Variants in MEIS1 observed in about 807,000 individuals in gnomAD.
MEIS1 encodes homeobox protein Meis1.
Under a neutral mutation model 50.8 loss-of-function variants are expected in MEIS1, and 5 were observed. The observed-to-expected ratio is 0.10, with a 90% CI of 0.05 to 0.21. The LOEUF is 0.21. Ranked by LOEUF, MEIS1 falls within the 10% of genes least tolerant of loss-of-function variation. The pLI, the probability that MEIS1 is intolerant of heterozygous loss-of-function variation, is 1.00. For missense variants in MEIS1, 318 were observed against 517.3 expected, an observed-to-expected ratio of 0.61 and a Z score of 3.74; for synonymous variants, 176 against 179.3, an observed-to-expected ratio of 0.98 and a Z score of 0.15.
chr2:66,476,789 G>A (rs927779095), intron 7 of MEIS1, among the ~76,000 whole-genome samples: 12 of 152,240 alleles, frequency 7.9e-5, no homozygotes, highest in East Asian at 5.8e-4. Flanking sequence ...CTCGTCCCCC[G>A]GAGTTAGCCC....
chr2:66,477,560 C>T (rs1672922641), intron 7 of MEIS1, among the ~76,000 whole-genome samples: 1 of 152,198 alleles, frequency 6.6e-6, no homozygotes, highest in South Asian at 2.1e-4. Flanking sequence ...CTCTGCTGCA[C>T]TGCTTTCCCT....
chr2:66,464,117 G>T lies in MEIS1; in HGVS notation c.639G>T (p.Trp213Cys). ...RSANLTDQPS[W>C]NRDHDDTAST... The stretch of plus-strand genomic sequence containing the variant: ...GATTTGTGCCCCCACAGCCCTCTTG[G>T]AACAGAGATCATGATGACACGGCAT... The change falls in exon 7 of 13, where the codon TGG (tryptophan) becomes TGT (cysteine). Residue 213 changes from tryptophan (W) to cysteine (C), a missense_variant. Around this residue, in one of 6 missense-constraint regions of MEIS1, gnomAD observed 48 missense variants for 50.9 expected, o/e 0.94. Coordinates refer to ENST00000272369, the MANE Select transcript of MEIS1 (RefSeq NM_002398.3). The T allele has an allele frequency of 6.3e-7, 1 of 1,597,126 alleles. No homozygotes were observed. Among genetic ancestry groups the T allele is most frequent in the Non-Finnish European group, 8.5e-7 (1 of 1,171,792 alleles).
intron 9 of MEIS1, among the ~76,000 whole-genome samples, chr2:66,552,567 T>C (rs1487037655): frequency 2.0e-5 from 3 of 152,224 alleles, no homozygotes; most frequent in African/African-American, 7.2e-5. Flanking sequence ...ATTTTCCTAG[T>C]TATTTCATTT....
At position 66,511,012 on chromosome 2, in the gene MEIS1, A is replaced by AT. The variant is rs139989148; in HGVS notation, c.743-1127dup. ...ACCCAGTGAATGTGCTCTTGGGTGT[A>AT]TTTTTTTTTTACCTCATTTCTAAGC... On this transcript the variant is annotated intron_variant, in intron 7 of 12. Coordinates refer to ENST00000272369, the MANE Select transcript of MEIS1 (RefSeq NM_002398.3). 4.4e-4 allele frequency among the ~76,000 whole-genome samples: 66 copies of AT among 148,818 alleles called. 1 individual carries two copies. Among genetic ancestry groups the AT allele is most frequent in the East Asian group, 4.4e-3 (22 of 5,050 alleles).
chr2:66,533,704 A>G (rs547628475), intron 8 of MEIS1, among the ~76,000 whole-genome samples: 1 of 152,236 alleles, frequency 6.6e-6, no homozygotes, highest in East Asian at 1.9e-4. Context: ...CTCCTCATAA[A>G]TTGTGCAGGG....
At chr2:66,521,138 G>C (rs533156869) in intron 8 of MEIS1, among the ~76,000 whole-genome samples, 1 of 152,224 alleles carries the variant, frequency 6.6e-6, no homozygotes, top group South Asian at 2.1e-4. Context: ...GGCAAAGAAA[G>C]CTACATCTGT....
chr2:66,466,820 G>A (rs1358386196), intron 7 of MEIS1, among the ~76,000 whole-genome samples: 1 of 152,018 alleles, frequency 6.6e-6, no homozygotes, highest in Non-Finnish European at 1.5e-5. Context: ...CCAAAGAGGT[G>A]TTTCCCCCAC....
At chr2:66,467,368 A>G (rs10165854) in intron 7 of MEIS1, among the ~76,000 whole-genome samples, 14,190 of 105,820 alleles carry the variant, frequency 0.13, 1,331 homozygotes, top group African/African-American at 0.39. Flanking sequence ...AGGCCGAGGT[A>G]GGGGGGGGTC....
intron 6 of MEIS1, among the ~76,000 whole-genome samples, chr2:66,447,377 T>G (rs536919646): frequency 1.3e-5 from 2 of 152,340 alleles, no homozygotes; most frequent in Admixed American, 6.5e-5. Flanking sequence ...TGATAAAGTC[T>G]TAGCATCACC....
At chr2:66,443,814 G>A (rs964616000) in intron 6 of MEIS1, 3 of 152,728 alleles carry the variant, frequency 2.0e-5, no homozygotes, top group African/African-American at 4.8e-5. Flanking sequence ...TGGGTAAGGA[G>A]TGTGGGGGAC....
intron 7 of MEIS1, among the ~76,000 whole-genome samples, chr2:66,501,408 A>G (rs1476942557): frequency 2.6e-5 from 4 of 152,126 alleles, no homozygotes; most frequent in Non-Finnish European, 5.9e-5. Context: ...CTCCATTAAA[A>G]AGTTATGCTG....
chr2:66,548,296 A>ATC (rs147502796), intron 9 of MEIS1, among the ~76,000 whole-genome samples: 1 of 152,198 alleles, frequency 6.6e-6, no homozygotes, highest in Non-Finnish European at 1.5e-5. Flanking sequence ...CTGTCAATGT[A>ATC]TCTCTCTCTA....
At chr2:66,481,623 C>G (rs1673017536) in intron 7 of MEIS1, among the ~76,000 whole-genome samples, 1 of 152,106 alleles carries the variant, frequency 6.6e-6, no homozygotes, top group Admixed American at 6.5e-5. Context: ...CCTTGAGCAT[C>G]TCTTTATTCT....
At position 66,464,155 on chromosome 2, in the gene MEIS1, G is replaced by C. The variant is rs1368786744; in HGVS notation, c.677G>C (p.Gly226Ala). 6.2e-7 allele frequency: 1 copy of C among 1,606,712 alleles called. No homozygotes were observed. Among genetic ancestry groups the C allele is most frequent in the Non-Finnish European group, 8.5e-7 (1 of 1,176,808 alleles). Residue 226 changes from glycine (G) to alanine (A), a missense_variant, in exon 7 of 13, where the codon GGA becomes GCA. By Grantham distance (60) the Gly-to-Ala change is moderately conservative. Coordinates refer to ENST00000272369, the MANE Select transcript of MEIS1 (RefSeq NM_002398.3). ...DHDDTASTRS[G>A]GTPGPSSGGH... ...GATGACACGGCATCTACTCGTTCAG[G>C]AGGAACCCCAGGCCCTTCCAGCGGT... is the stretch of plus-strand genomic sequence containing the variant.
chr2:66,467,005 A>G lies in MEIS1; in HGVS notation c.742+2785A>G, dbSNP rs371245066. On this transcript the variant is annotated intron_variant, in intron 7 of 12. Transcript: ENST00000272369. The stretch of plus-strand genomic sequence containing the variant: ...AAAGAAAACAAAAAAGAAATCCCCT[A>G]GGCTTTAGCCCTCTGTTAAATAACC... Among the ~76,000 whole-genome samples the G allele has an allele frequency of 4.6e-5, 7 of 152,170 alleles. 1 individual carries two copies. Among genetic ancestry groups the G allele is most frequent in the African/African-American group, 1.7e-4 (7 of 41,556 alleles).
chr2:66,477,637 A>T (rs530545694), intron 7 of MEIS1, among the ~76,000 whole-genome samples: 1 of 152,346 alleles, frequency 6.6e-6, no homozygotes, highest in East Asian at 1.9e-4. Context: ...CCAAGCTGTC[A>T]TGGGAATTTG....
Position 66,507,292 on chromosome 2 carries a change from G to C in MEIS1, c.743-4857G>C, listed in dbSNP as rs1673706510. On this transcript the variant is annotated intron_variant, in intron 7 of 12. Transcript: ENST00000272369. ...GATTAAACACTGTTCCTAAACACTG[G>C]AAGAGGAGAAAAGTAAAGTTTAAAG... 2.6e-5 allele frequency among the ~76,000 whole-genome samples: 4 copies of C among 152,114 alleles called. No individual in the cohort carries two copies. The South Asian group carries it at 8.3e-4, about 32-fold the overall frequency.
intron 6 of MEIS1, among the ~76,000 whole-genome samples, chr2:66,445,605 T>C (rs77873609): frequency 0.023 from 3,513 of 152,276 alleles, 101 homozygotes; most frequent in African/African-American, 0.069. Context: ...GTGAGAACGC[T>C]GGGCCTTGTT....
At chr2:66,564,857 T>A (rs1200590314) in intron 9 of MEIS1, among the ~76,000 whole-genome samples, 3 of 152,090 alleles carry the variant, frequency 2.0e-5, no homozygotes, top group African/African-American at 7.2e-5. Flanking sequence ...TATCTCCTAA[T>A]GCTATCCCTT....
Sources: gnomAD v4.1 joint callset for allele counts (sites outside exome capture counted in the v4.1 genomes callset) on GRCh38, gnomAD v4.1.1 for gene constraint, gnomAD v4.1.1 regional missense constraint, MANE v1.5 for transcripts, NCBI Gene and HGNC (gene_info 2026-07-23, HGNC 2026-07-21) for gene names.